Variants in CNTNAP2 observed in about 807,000 individuals in gnomAD.
CNTNAP2 encodes the protein contactin associated protein 2, also known as contactin-associated protein-like 2.
A neutral mutation model predicts 155.2 loss-of-function variants in CNTNAP2; 98 were observed. The ratio of observed to expected loss-of-function variants is 0.63; its 90% CI spans 0.54 to 0.75. CNTNAP2 has a LOEUF of 0.75. Among genes scored for constraint, CNTNAP2 ranks in the 30% least tolerant of loss-of-function variants. The pLI, the probability that CNTNAP2 is intolerant of heterozygous loss-of-function variation, is 0.00. For missense variants in CNTNAP2, 1,727 were observed against 1,688.1 expected (o/e 1.02, Z -0.40); for synonymous variants, 651 against 631.2 (o/e 1.03, Z -0.47).
chr7:146,390,764 A>T (rs1053605112), intron 1 of CNTNAP2, among the ~76,000 whole-genome samples: 1 of 148,534 alleles, frequency 6.7e-6, no homozygotes, highest in African/African-American at 2.4e-5. Flanking sequence ...TTATATTATT[A>T]TACATATTAT....
At position 147,199,023 on chromosome 7, in the gene CNTNAP2, G is replaced by T. The variant is rs192527545; in HGVS notation, c.1348+66514G>T. 2.2e-3 allele frequency among the ~76,000 whole-genome samples: 325 copies of T among 146,924 alleles called. 3 individuals are homozygous for T. The highest frequency in any genetic ancestry group is 7.9e-3 in the African/African-American group (313 of 39,428). ...GTCACCCAGGCTGGAGTGCAATGGC[G>T]TGGTCTCAGCTCACTGCAACCTTCG... On this transcript the variant is annotated intron_variant, in intron 8 of 23. Transcript: ENST00000361727.
chr7:147,505,301 CAATT>C (rs1280317625), intron 11 of CNTNAP2, among the ~76,000 whole-genome samples: 45 of 150,478 alleles, frequency 3.0e-4, no homozygotes, highest in African/African-American at 1.0e-3. Context: ...AAATTCAAAG[CAATT>C]AATTCTATTA....
chr7:146,741,540 A>C (rs1038561966), intron 1 of CNTNAP2, among the ~76,000 whole-genome samples: 1 of 152,220 alleles, frequency 6.6e-6, no homozygotes, highest in South Asian at 2.1e-4. Flanking sequence ...ATAAGCAAAC[A>C]GGAGTTAGAA....
chr7:148,232,211 A>G (rs1165832200), intron 20 of CNTNAP2, among the ~76,000 whole-genome samples: 3 of 152,296 alleles, frequency 2.0e-5, no homozygotes, highest in East Asian at 3.9e-4. Flanking sequence ...GGAAGACAAG[A>G]TGTAGTTCCT....
intron 1 of CNTNAP2, among the ~76,000 whole-genome samples, chr7:146,129,873 C>T (rs1047725281): frequency 6.6e-6 from 1 of 151,990 alleles, no homozygotes; most frequent in Non-Finnish European, 1.5e-5. Flanking sequence ...TCCAATTAGT[C>T]CACAGGTAAG....
intron 21 of CNTNAP2, among the ~76,000 whole-genome samples, chr7:148,371,777 G>A (rs2530321): frequency 0.33 from 50,363 of 152,074 alleles, 8,769 homozygotes; most frequent in Non-Finnish European, 0.39. Flanking sequence ...CCCAGGCTCT[G>A]TGCTACAGCC....
intron 1 of CNTNAP2, among the ~76,000 whole-genome samples, chr7:146,750,427 C>T (rs1216584020): frequency 6.6e-6 from 1 of 152,092 alleles, no homozygotes; most frequent in African/African-American, 2.4e-5. Flanking sequence ...ATTTGTTTTT[C>T]CCACCTCCAG....
intron 15 of CNTNAP2, among the ~76,000 whole-genome samples, chr7:148,020,928 C>T (rs922453909): frequency 7.2e-5 from 11 of 152,204 alleles, no homozygotes; most frequent in Non-Finnish European, 1.0e-4. Context: ...CCAGAACAGG[C>T]GCCACCTGCC....
At chr7:147,134,504 T>A (rs1801440381) in intron 8 of CNTNAP2, among the ~76,000 whole-genome samples, 1 of 151,586 alleles carries the variant, frequency 6.6e-6, no homozygotes. Context: ...GCATTTTATA[T>A]AAATATATAT....
chr7:147,128,325 G>T (rs900952503), intron 6 of CNTNAP2, among the ~76,000 whole-genome samples: 6 of 152,058 alleles, frequency 3.9e-5, no homozygotes, highest in Non-Finnish European at 8.8e-5. Flanking sequence ...GGCATTTATT[G>T]ATAGTATGTC....
chr7:147,633,671 T>C (rs1373242731), intron 12 of CNTNAP2, among the ~76,000 whole-genome samples: 1 of 146,162 alleles, frequency 6.8e-6, no homozygotes, highest in East Asian at 1.9e-4. Context: ...CCACATCTTG[T>C]TGTTGTGATA....
chr7:146,345,110 T>G (rs1264381243), intron 1 of CNTNAP2, among the ~76,000 whole-genome samples: 2 of 152,182 alleles, frequency 1.3e-5, no homozygotes, highest in East Asian at 3.9e-4. Flanking sequence ...GAGGCATACA[T>G]TCTTTCTAAG....
chr7:146,235,468 G>C (rs1158347507), intron 1 of CNTNAP2, among the ~76,000 whole-genome samples: 1 of 152,090 alleles, frequency 6.6e-6, no homozygotes, highest in Non-Finnish European at 1.5e-5. Context: ...TGGAGATGTA[G>C]ATAGAAAAGA....
intron 13 of CNTNAP2, among the ~76,000 whole-genome samples, chr7:147,703,597 G>A (rs991304108): frequency 1.3e-5 from 2 of 152,122 alleles, no homozygotes; most frequent in Non-Finnish European, 2.9e-5. Flanking sequence ...ATAGCTGTAT[G>A]TATTTATGAG....
At chr7:148,102,162 G>C (rs1804114650) in intron 15 of CNTNAP2, among the ~76,000 whole-genome samples, 1 of 152,128 alleles carries the variant, frequency 6.6e-6, no homozygotes, top group African/African-American at 2.4e-5. Flanking sequence ...CCCTGGGTCT[G>C]TTGTTTCCTT....
intron 13 of CNTNAP2, among the ~76,000 whole-genome samples, chr7:147,732,685 T>G (rs200745636): frequency 2.6e-5 from 4 of 152,152 alleles, no homozygotes; most frequent in African/African-American, 9.7e-5. Context: ...TCTCCACATC[T>G]TCTCCAGCAC....
chr7:147,850,619 A>G (rs140335787), intron 13 of CNTNAP2, among the ~76,000 whole-genome samples: 2 of 152,192 alleles, frequency 1.3e-5, no homozygotes, highest in African/African-American at 4.8e-5. Flanking sequence ...ATAACACCAC[A>G]CATCTACAAC....
intron 1 of CNTNAP2, among the ~76,000 whole-genome samples, chr7:146,374,106 G>A (rs994601461): frequency 1.3e-5 from 2 of 151,934 alleles, no homozygotes; most frequent in Non-Finnish European, 2.9e-5. Flanking sequence ...AAAGATAATG[G>A]TTACAGAACT....
intron 3 of CNTNAP2, among the ~76,000 whole-genome samples, chr7:146,939,720 T>G (rs1475512288): frequency 6.6e-6 from 1 of 152,186 alleles, no homozygotes; most frequent in Non-Finnish European, 1.5e-5. Flanking sequence ...TTTATGGTTA[T>G]AGAAACCAGA....
Sources: allele counts gnomAD v4.1 joint callset (sites outside exome capture counted in the v4.1 genomes callset), GRCh38; gene constraint gnomAD v4.1.1; transcripts MANE v1.5; gene names NCBI Gene and HGNC (gene_info 2026-07-23, HGNC 2026-07-21).